The following NAV2 variants were observed in gnomAD, a reference collection of about 807,000 sequenced individuals.
NAV2 encodes the protein helicase, APC down-regulated 1.
A neutral mutation model predicts 223.2 loss-of-function variants in NAV2; 54 were observed. The observed-to-expected ratio is 0.24, with a 90% CI of 0.19 to 0.30. The LOEUF (loss-of-function observed/expected upper bound fraction) is 0.30. Among genes scored for constraint, NAV2 ranks in the 10% least tolerant of loss-of-function variants. The probability of loss-of-function intolerance (pLI) is 1.00; values close to 1 mark genes in which losing one functional copy is unlikely to be tolerated. For missense variants in NAV2, 2,806 were observed against 3,147.5 expected (o/e 0.89, Z 2.60); for synonymous variants, 1,279 against 1,239.3 (o/e 1.03, Z -0.67).
At chr11:19,368,321 G>C (rs983941607) in intron 1 of NAV2, among the ~76,000 whole-genome samples, 4 of 152,154 alleles carry the variant, frequency 2.6e-5, no homozygotes, top group Non-Finnish European at 5.9e-5. Context: ...CATTAAGTTT[G>C]CTTTTGGGTA....
At chr11:19,628,342 C>G (rs2047233708) in intron 1 of NAV2, among the ~76,000 whole-genome samples, 1 of 152,234 alleles carries the variant, frequency 6.6e-6, no homozygotes, top group African/African-American at 2.4e-5. Context: ...TTCCCCACTG[C>G]CCAGAGCCAA....
At chr11:20,095,896 G>A in intron 30 of NAV2, 129 bp downstream of exon 30, 1 of 725,436 alleles carries the variant, frequency 1.4e-6, no homozygotes, top group Non-Finnish European at 2.5e-6. Flanking sequence ...ACATGTTAAT[G>A]TTGCTGGAAC....
At chr11:19,634,102 A>C (rs2047423478) in intron 1 of NAV2, among the ~76,000 whole-genome samples, 1 of 152,190 alleles carries the variant, frequency 6.6e-6, no homozygotes, top group Admixed American at 6.5e-5. Flanking sequence ...GAGAGGCCAG[A>C]GCTCTGGCTT....
At chr11:19,754,942 T>C (rs547131388) in intron 1 of NAV2, among the ~76,000 whole-genome samples, 3 of 152,164 alleles carry the variant, frequency 2.0e-5, no homozygotes, top group African/African-American at 7.2e-5. Flanking sequence ...CTGGATTCTT[T>C]CCTGTGAACT....
intron 12 of NAV2, among the ~76,000 whole-genome samples, chr11:20,043,030 C>A (rs1397869034): frequency 3.3e-5 from 5 of 152,190 alleles, no homozygotes; most frequent in African/African-American, 1.2e-4. Flanking sequence ...CAAAATCCCA[C>A]AAGGGGAGCA....
At chr11:19,411,552 A>G (rs549513360) in intron 1 of NAV2, among the ~76,000 whole-genome samples, 2 of 152,122 alleles carry the variant, frequency 1.3e-5, no homozygotes, top group Non-Finnish European at 2.9e-5. Flanking sequence ...AGAGGCTGCT[A>G]TCTCAATCTC....
At chr11:19,796,766 T>C (rs1424302538) in intron 1 of NAV2, among the ~76,000 whole-genome samples, 2 of 152,308 alleles carry the variant, frequency 1.3e-5, no homozygotes, top group East Asian at 3.9e-4. Flanking sequence ...CGAGCAGAAT[T>C]CTGCAAGATT....
At chr11:19,428,674 G>A (rs980495140) in intron 1 of NAV2, among the ~76,000 whole-genome samples, 4 of 152,124 alleles carry the variant, frequency 2.6e-5, no homozygotes, top group African/African-American at 7.2e-5. Context: ...CTCTCTTTGG[G>A]GAAGTACCTT....
At chr11:19,733,424 A>G (rs955634625) in intron 1 of NAV2, among the ~76,000 whole-genome samples, 1 of 152,194 alleles carries the variant, frequency 6.6e-6, no homozygotes, top group Non-Finnish European at 1.5e-5. Flanking sequence ...ATACCTTACT[A>G]TCACCCATGT....
At chr11:19,435,982 T>A (rs937412904) in intron 1 of NAV2, among the ~76,000 whole-genome samples, 3 of 152,172 alleles carry the variant, frequency 2.0e-5, no homozygotes, top group African/African-American at 7.2e-5. Context: ...CCTTATCCAA[T>A]GTATGATTTG....
At chr11:19,996,724 G>A (rs1224038840) in intron 11 of NAV2, among the ~76,000 whole-genome samples, 2 of 152,172 alleles carry the variant, frequency 1.3e-5, no homozygotes, top group African/African-American at 4.8e-5. Flanking sequence ...GGCTAGCCTT[G>A]TGTGTTTCAG....
rs566830551 is a variant in NAV2 at position 19,511,221 on chromosome 11, G to A, written c.75+160194G>A. The A allele has an allele frequency of 3.9e-5, 6 of 152,328 alleles. No homozygotes were observed. The East Asian group carries it at 7.7e-4, about 20-fold the overall frequency. The allele number at this position is 152,328 out of a possible 1,614,324, so 9.4% of individuals were successfully genotyped here. A position where few individuals can be genotyped will look rare whatever the true frequency, so the allele number is the denominator to read the frequency against. On this transcript the variant is annotated intron_variant, in intron 1 of 37. Coordinates refer to the NAV2 transcript ENST00000360655. The stretch of plus-strand genomic sequence containing the variant: ...TGGACTAACACAAAAGGAATGGATG[G>A]GAGAGCAGGCAAAGGTTTGGACCTG...
rs1324804897 is a variant in NAV2, at chr11:19,713,866, C to A, written c.171C>A (p.Pro57=). 6.2e-7 allele frequency: 1 copy of A among 1,613,602 alleles called. No individual in the cohort carries two copies. The highest frequency in any genetic ancestry group is 1.1e-5 in the South Asian group (1 of 91,086). The part of the protein sequence containing the change: ...VSKTTYPSQI[P]LKSQVLQGLQ... ...AGACCACCTATCCTAGCCAGATCCC[C>A]CTGAAATCGCAGGTGCTGCAGGGGC... is the stretch of plus-strand genomic sequence containing the variant. Residue 57 remains proline, a synonymous_variant, in exon 1 of 38, where the codon CCC becomes CCA. Transcript: ENST00000349880. This position sits in a 1 kb window ranked among gnomAD's most constrained non-coding sequence, Gnocchi z 7.2.
chr11:19,850,540 G>C (rs1033481593), intron 3 of NAV2, among the ~76,000 whole-genome samples: 25 of 152,174 alleles, frequency 1.6e-4, no homozygotes, highest in Non-Finnish European at 2.4e-4. Context: ...CAGCTGAGCA[G>C]TGCTTTGAGC....
chr11:20,065,121 C>G (rs557017218), intron 20 of NAV2, among the ~76,000 whole-genome samples: 6 of 152,370 alleles, frequency 3.9e-5, no homozygotes, highest in Admixed American at 6.5e-5. Context: ...CTAGACTCTG[C>G]TACCGCCTAG....
At chr11:19,863,711 T>C (rs766172581) in intron 3 of NAV2, among the ~76,000 whole-genome samples, 2 of 152,326 alleles carry the variant, frequency 1.3e-5, no homozygotes, top group Non-Finnish European at 2.9e-5. Flanking sequence ...CCCAACACTC[T>C]TCTCTTTCAC....
chr11:19,670,308 C>A (rs1252255517), intron 1 of NAV2, among the ~76,000 whole-genome samples: 1 of 152,106 alleles, frequency 6.6e-6, no homozygotes, highest in Non-Finnish European at 1.5e-5. Context: ...ACTCTGATCT[C>A]CCCGGGCCAT....
intron 3 of NAV2, among the ~76,000 whole-genome samples, chr11:19,854,801 T>TA (rs2061331924): frequency 6.6e-6 from 1 of 152,234 alleles, no homozygotes; most frequent in African/African-American, 2.4e-5. Flanking sequence ...CTAAGAAACT[T>TA]ACTTCTTCCT....
At chr11:19,550,002 G>C (rs536555623) in intron 1 of NAV2, among the ~76,000 whole-genome samples, 158 of 152,352 alleles carry the variant, frequency 1.0e-3, no homozygotes, top group Admixed American at 3.1e-3. Flanking sequence ...TGCTGGCCTA[G>C]AGTCCTGCAG....
Sources: gnomAD v4.1 joint callset for allele counts (sites outside exome capture counted in the v4.1 genomes callset) on GRCh38, gnomAD v4.1.1 for gene constraint, Gnocchi (gnomAD v3.1) non-coding constraint, MANE v1.5 for transcripts, NCBI Gene and HGNC (gene_info 2026-07-23, HGNC 2026-07-21) for gene names.